Variants in CLIC5 observed in about 807,000 individuals in gnomAD.
CLIC5 encodes the protein CLIC family member 5.
Under a neutral mutation model 24.7 loss-of-function variants are expected in CLIC5, and 20 were observed. That is an observed-to-expected ratio of 0.81 (90% confidence interval 0.57 to 1.18). The LOEUF is 1.18. CLIC5 is among the 50% of genes most tolerant of loss of function. The pLI is 0.00. For synonymous variants in CLIC5, 159 were observed against 135.6 expected, an observed-to-expected ratio of 1.17 and a Z score of -1.20; for missense variants, 341 against 326.1, an observed-to-expected ratio of 1.05 and a Z score of -0.35.
chr6:45,920,223 G>A, intron 4 of CLIC5: 1 of 982,532 alleles, frequency 1.0e-6, no homozygotes, highest in Non-Finnish European at 1.2e-6. Context: ...AGGTCAAGAA[G>A]GAGTTTTCTC....
At chr6:46,122,668 A>G in the CLIC5 span, among the ~76,000 whole-genome samples, 1 of 152,202 alleles carries the variant, frequency 6.6e-6, no homozygotes, top group Non-Finnish European at 1.5e-5. Context: ...GATCAACAAA[A>G]TTGATAGACC....
At chr6:46,088,561 A>G in the CLIC5 span, among the ~76,000 whole-genome samples, 1 of 152,196 alleles carries the variant, frequency 6.6e-6, no homozygotes, top group Non-Finnish European at 1.5e-5. Context: ...CCACTACCCA[A>G]AGATAATTAT....
intron 1 of CLIC5, among the ~76,000 whole-genome samples, chr6:46,037,871 G>T (rs1044664705): frequency 2.0e-5 from 3 of 152,172 alleles, no homozygotes; most frequent in African/African-American, 7.2e-5. Context: ...TTGGTATTTG[G>T]TTACAGGTAG....
intron 1 of CLIC5, among the ~76,000 whole-genome samples, chr6:46,056,360 T>G (rs1768255016): frequency 6.6e-6 from 1 of 152,150 alleles, no homozygotes; most frequent in African/African-American, 2.4e-5. Context: ...TAGAATAAAT[T>G]TCCCCTCCTT....
chr6:45,941,636 G>A lies in CLIC5; in HGVS notation c.317C>T (p.Ala106Val). The A allele has an allele frequency of 1.5e-5, 25 of 1,613,964 alleles. No homozygotes were observed. The highest frequency in any genetic ancestry group is 2.1e-5 in the Non-Finnish European group (25 of 1,179,926). Reference protein sequence around the residue: ...LTPEKYPKLAAKHRESNTAGI... With the variant: ...LTPEKYPKLAVKHRESNTAGI... ...CGCTGTGTTGGATTCCCGGTGTTTT[G>A]CAGCCAGTTTGGGGTACCTGGAATG... Residue 106 changes from alanine to valine, a missense_variant, in exon 4 of 6, where the codon GCA becomes GTA. Physicochemically the swap from Ala to Val is moderately conservative, Grantham distance 64 (BLOSUM62 0). Transcript: ENST00000339561.
intron 1 of CLIC5, among the ~76,000 whole-genome samples, chr6:45,998,143 C>T (rs1323076768): frequency 6.6e-6 from 1 of 152,216 alleles, no homozygotes; most frequent in East Asian, 1.9e-4. Flanking sequence ...GCTTGGCTAA[C>T]TCACCTGGTA....
intron 1 of CLIC5, among the ~76,000 whole-genome samples, chr6:45,971,250 G>C (rs1319719105): frequency 6.6e-6 from 1 of 152,208 alleles, no homozygotes; most frequent in African/African-American, 2.4e-5. Context: ...TCCAGTTCTA[G>C]CAGAGATTGT....
the CLIC5 span, among the ~76,000 whole-genome samples, chr6:46,115,731 A>G: frequency 5.9e-5 from 9 of 152,234 alleles, no homozygotes; most frequent in African/African-American, 2.2e-4. Context: ...AAGAGATTAT[A>G]ATGCTTGGGT....
intron 1 of CLIC5, among the ~76,000 whole-genome samples, chr6:46,030,690 T>C (rs1027833475): frequency 6.6e-6 from 1 of 152,214 alleles, no homozygotes; most frequent in African/African-American, 2.4e-5. Flanking sequence ...ATTTCCTACA[T>C]GCACACCTTG....
chr6:45,977,113 T>A (rs1470422730), intron 1 of CLIC5, among the ~76,000 whole-genome samples: 1 of 152,192 alleles, frequency 6.6e-6, no homozygotes, highest in Non-Finnish European at 1.5e-5. Flanking sequence ...AATATTTATT[T>A]TAAATAAACA....
chr6:45,922,835 T>TAG (rs36124366), intron 4 of CLIC5, among the ~76,000 whole-genome samples: 10,961 of 144,284 alleles, frequency 0.076, 525 homozygotes, highest in African/African-American at 0.13. Flanking sequence ...GAGAGAGAGA[T>TAG]AGAGAGAGAG....
chr6:45,905,376 T>C lies in CLIC5; in HGVS notation c.589-2121A>G, dbSNP rs111796615. On this transcript the variant is annotated intron_variant, in intron 5 of 5. Transcript: ENST00000339561. ...CCTTTTCTCCACAGACTAACCAACA[T>C]CTGTTGCTTTTTGACTTTTTCACAA... Among the ~76,000 whole-genome samples, 216 of 152,198 alleles carry C rather than the reference T, an allele frequency of 1.4e-3. 2 individuals carry two copies. The highest frequency in any genetic ancestry group is 5.0e-3 in the African/African-American group (206 of 41,506).
chr6:45,997,872 T>C (rs1251162607), intron 1 of CLIC5, among the ~76,000 whole-genome samples: 1 of 152,196 alleles, frequency 6.6e-6, no homozygotes, highest in Non-Finnish European at 1.5e-5. Flanking sequence ...TATAAGTAGG[T>C]TCCATGAGTT....
At chr6:45,968,724 C>T (rs886920706) in intron 1 of CLIC5, among the ~76,000 whole-genome samples, 5 of 152,108 alleles carry the variant, frequency 3.3e-5, no homozygotes, top group African/African-American at 1.2e-4. Flanking sequence ...TTTAGCTTTG[C>T]CGTTAATATG....
chr6:45,888,433 C>T (rs1762323189), intron 6 of CLIC5, among the ~76,000 whole-genome samples: 1 of 152,078 alleles, frequency 6.6e-6, no homozygotes, highest in South Asian at 2.1e-4. Flanking sequence ...CAATTAACCA[C>T]CTGGGGAAAA....
chr6:46,028,595 G>A (rs1041926129), intron 1 of CLIC5, among the ~76,000 whole-genome samples: 8 of 152,202 alleles, frequency 5.3e-5, no homozygotes, highest in Middle Eastern at 3.4e-3. Context: ...ATAGGTTATA[G>A]GTGCTTCTAA....
chr6:46,093,646 A>G, the CLIC5 span, among the ~76,000 whole-genome samples: 1 of 152,234 alleles, frequency 6.6e-6, no homozygotes, highest in Non-Finnish European at 1.5e-5. Flanking sequence ...AGGATGTCTG[A>G]GTGCCTGAAT....
chr6:46,053,463 T>G lies in CLIC5; in HGVS notation c.540+26240A>C, dbSNP rs75442278. Among the ~76,000 whole-genome samples the G allele has an allele frequency of 5.7e-4, 87 of 152,322 alleles. No homozygotes were observed. The East Asian group carries it at 0.015, about 27-fold the overall frequency. On this transcript the variant is annotated intron_variant, in intron 1 of 5. Coordinates refer to the CLIC5 transcript ENST00000185206. The stretch of plus-strand genomic sequence containing the variant: ...CTAAATGAATAAAAGGATGAAAGTA[T>G]GTAGGTGGAAGAGTGATGTGCACAA...
the CLIC5 span, among the ~76,000 whole-genome samples, chr6:46,101,771 A>G: frequency 0.47 from 71,038 of 152,024 alleles, 17,359 homozygotes; most frequent in South Asian, 0.69. Flanking sequence ...CTAAACCAAC[A>G]ACCTCATATG....
Sources: gnomAD v4.1 joint callset for allele counts (sites outside exome capture counted in the v4.1 genomes callset) on GRCh38, gnomAD v4.1.1 for gene constraint, MANE v1.5 for transcripts, NCBI Gene and HGNC (gene_info 2026-07-23, HGNC 2026-07-21) for gene names.